SCIN: variants seen among roughly 807,000 people sequenced by gnomAD.
The protein encoded by SCIN is scinderin.
In SCIN, 91 loss-of-function variants were observed where a neutral mutation model predicts 91.8. The ratio of observed to expected loss-of-function variants is 0.99; its 90% confidence interval spans 0.84 to 1.18. The LOEUF (loss-of-function observed/expected upper bound fraction) is 1.18. Among genes scored for constraint, SCIN ranks in the 50% most tolerant of loss-of-function variants. The probability of loss-of-function intolerance (pLI) is 0.00; values close to 1 mark genes in which losing one functional copy is unlikely to be tolerated. For missense variants in SCIN, 1,087 were observed against 863.9 expected, an observed-to-expected ratio of 1.26 and a Z score of -3.24; for synonymous variants, 367 against 312.6, an observed-to-expected ratio of 1.17 and a Z score of -1.84.
chr7:12,623,173 A>G (rs1206560418), intron 5 of SCIN, among the ~76,000 whole-genome samples: 1 of 152,204 alleles, frequency 6.6e-6, no homozygotes, highest in Non-Finnish European at 1.5e-5. Context: ...ATCTTTTGAT[A>G]TATAATACTC....
At chr7:12,578,723 G>C (rs1782424298) in intron 2 of SCIN, among the ~76,000 whole-genome samples, 1 of 151,864 alleles carries the variant, frequency 6.6e-6, no homozygotes, top group Admixed American at 6.6e-5. Flanking sequence ...AGTGTGGTTT[G>C]ATCTTAGAAG....
intron 1 of SCIN, chr7:12,577,855 C>CAAAA: frequency 7.5e-6 from 3 of 402,278 alleles, no homozygotes; most frequent in African/African-American, 4.4e-5. Context: ...CACCCTCTCT[C>CAAAA]AAAAAAAAAA....
intron 9 of SCIN, 128 bp downstream of exon 9, chr7:12,629,350 A>T (rs1020776745): frequency 1.2e-6 from 1 of 851,372 alleles, no homozygotes; most frequent in Non-Finnish European, 1.7e-6. Flanking sequence ...TAGCATGCAT[A>T]TAGTATTTTC....
chr7:12,648,573 G>A (rs1188588190), intron 13 of SCIN, among the ~76,000 whole-genome samples: 1 of 152,106 alleles, frequency 6.6e-6, no homozygotes, highest in African/African-American at 2.4e-5. Context: ...GGGATTACAG[G>A]CATGAGCCAC....
chr7:12,590,754 C>T (rs1562601044), intron 3 of SCIN, among the ~76,000 whole-genome samples: 2 of 151,970 alleles, frequency 1.3e-5, no homozygotes, highest in Non-Finnish European at 2.9e-5. Context: ...GTGTATAACT[C>T]CTGCTTTAGC....
Position 12,592,947 on chromosome 7 carries a change from G to T in SCIN, c.517-11567G>T, listed in dbSNP as rs151166320. On this transcript the variant is annotated intron_variant, in intron 3 of 15. Coordinates refer to ENST00000297029, the MANE Select transcript of SCIN (RefSeq NM_001112706.3). ...GGGGGCCGGGAGCCGGGGCCCAGGG[G>T]CCCTGGCCTCATCAGTCTTCAGTGG... Among the ~76,000 whole-genome samples the T allele has an allele frequency of 6.7e-3, 1,022 of 152,310 alleles. 10 individuals carry two copies. The highest frequency in any genetic ancestry group is 0.023 in the African/African-American group (955 of 41,562).
intron 9 of SCIN, among the ~76,000 whole-genome samples, chr7:12,633,656 C>T (rs980454939): frequency 1.3e-5 from 2 of 152,110 alleles, no homozygotes; most frequent in African/African-American, 2.4e-5. Context: ...ATTGTCTGTT[C>T]GGTGGTTGGA....
chr7:12,636,951 CA>C (rs1367757141), intron 10 of SCIN, among the ~76,000 whole-genome samples: 3 of 151,706 alleles, frequency 2.0e-5, no homozygotes, highest in African/African-American at 7.3e-5. Flanking sequence ...GAGTCCCCAG[CA>C]AAGGAATATG....
chr7:12,628,245 C>T (rs926662150), intron 8 of SCIN, among the ~76,000 whole-genome samples: 2 of 152,100 alleles, frequency 1.3e-5, no homozygotes, highest in African/African-American at 4.8e-5. Flanking sequence ...GGTCTTATTC[C>T]TGGATGGCAC....
intron 1 of SCIN, among the ~76,000 whole-genome samples, chr7:12,575,286 ATTG>A (rs1782347694): frequency 6.6e-6 from 1 of 150,514 alleles, no homozygotes; most frequent in African/African-American, 2.4e-5. Flanking sequence ...TGTAAACAAT[ATTG>A]TTGTCTCTAA....
intron 3 of SCIN, chr7:12,596,293 C>CTCCA (rs946033193): frequency 6.9e-5 from 31 of 451,380 alleles, no homozygotes; most frequent in African/African-American, 3.4e-4. Context: ...GAAGGTCATA[C>CTCCA]TCCACCATGT....
intron 11 of SCIN, among the ~76,000 whole-genome samples, chr7:12,640,800 A>G (rs1783843485): frequency 6.6e-6 from 1 of 152,216 alleles, no homozygotes; most frequent in African/African-American, 2.4e-5. Context: ...AGGCTGCTTA[A>G]GCTCCATCTT....
rs1020610291 is a variant in SCIN, at chr7:12,634,252, G to A, written c.1320-1793G>A. 5.3e-5 allele frequency among the ~76,000 whole-genome samples: 8 copies of A among 152,106 alleles called. No individual in the cohort carries two copies. The East Asian group carries it at 9.7e-4, about 18-fold the overall frequency. On this transcript the variant is annotated intron_variant, in intron 9 of 15. Transcript: ENST00000297029. ...TGTAATCCCAGCACTTTGGGAGGCC[G>A]AGGCAGGTGGATCACCTGAGGTCAG... is the stretch of plus-strand genomic sequence containing the variant.
chr7:12,655,347 G>A lies in SCIN; in HGVS notation c.*2632G>A, dbSNP rs1784148537. 6.6e-6 allele frequency: 1 copy of A among 152,050 alleles called. No homozygotes were observed. Among genetic ancestry groups the A allele is most frequent in the Admixed American group, 6.6e-5 (1 of 15,250 alleles). The allele number at this position is 152,050 out of a possible 1,614,324, so 9.4% of individuals were successfully genotyped here. A position where few individuals can be genotyped will look rare whatever the true frequency, so the allele number is the denominator to read the frequency against. On this transcript the variant is annotated 3_prime_UTR_variant, in exon 16 of 16. Transcript: ENST00000297029. ...AGATGAGTAACTTAGAAATTAATATGTAATACATACAGCTAATGTTATAGC... is the reference window on the plus strand; with the variant it reads ...AGATGAGTAACTTAGAAATTAATATATAATACATACAGCTAATGTTATAGC...
chr7:12,579,630 C>T (rs1016095735), intron 2 of SCIN, among the ~76,000 whole-genome samples: 1 of 152,158 alleles, frequency 6.6e-6, no homozygotes, highest in African/African-American at 2.4e-5. Context: ...AATAAAGTAA[C>T]TGTAGTCGAG....
chr7:12,596,384 G>A, intron 3 of SCIN: 1 of 455,054 alleles, frequency 2.2e-6, no homozygotes, highest in Non-Finnish European at 4.4e-6. Flanking sequence ...TGGACCATCA[G>A]GAAATGGCCT....
chr7:12,637,180 A>T (rs924498934), intron 10 of SCIN, among the ~76,000 whole-genome samples: 2 of 152,250 alleles, frequency 1.3e-5, no homozygotes, highest in Non-Finnish European at 2.9e-5. Flanking sequence ...ACTAAATCAT[A>T]GTAATTTGTT....
intron 9 of SCIN, among the ~76,000 whole-genome samples, chr7:12,635,126 C>T (rs1394028382): frequency 3.3e-5 from 5 of 151,704 alleles, no homozygotes; most frequent in Admixed American, 6.6e-5. Context: ...GCCAAGTTCA[C>T]GCCACTGCCC....
At chr7:12,628,438 A>G (rs936341588) in intron 8 of SCIN, among the ~76,000 whole-genome samples, 6 of 152,126 alleles carry the variant, frequency 3.9e-5, no homozygotes, top group African/African-American at 1.4e-4. Context: ...TTTCAGGTTC[A>G]TAGACTTTTT....
Sources: gnomAD v4.1 joint callset for allele counts (sites outside exome capture counted in the v4.1 genomes callset) on GRCh38, gnomAD v4.1.1 for gene constraint, MANE v1.5 for transcripts, NCBI Gene and HGNC (gene_info 2026-07-23, HGNC 2026-07-21) for gene names.